Variants in MYO1E observed in about 807,000 individuals in gnomAD.
The protein encoded by MYO1E is myosin IE, also known as unconventional myosin-Ie.
In MYO1E, 68 loss-of-function variants were observed where a neutral mutation model predicts 151.1. The ratio of observed to expected loss-of-function variants is 0.45; its 90% CI spans 0.37 to 0.55. The LOEUF is 0.55. Ranked by LOEUF, MYO1E falls within the 20% of genes least tolerant of loss-of-function variation. MYO1E has a pLI of 0.00. For missense variants in MYO1E, 1,363 were observed against 1,389.3 expected, an observed-to-expected ratio of 0.98 and a Z score of 0.30; for synonymous variants, 601 against 501.7, an observed-to-expected ratio of 1.20 and a Z score of -2.64.
rs755005976 is a variant in MYO1E, at chr15:59,256,406, A to AGAT, written c.238-29_238-28insATC. The stretch of plus-strand genomic sequence containing the variant: ...AGAAAAGCAAAAAATAATAATACAT[A>AGAT]AATAATAATAAAAATTTAAAAATAA... On this transcript the variant is annotated intron_variant, in intron 3 of 27. Transcript: ENST00000288235. 6 of 1,258,270 alleles carry AGAT rather than the reference A, an allele frequency of 4.8e-6. No homozygotes were observed. In the South Asian group the frequency reaches 9.4e-5, roughly 20 times the overall value. The allele number at this position is 1,258,270 out of a possible 1,614,324, so 77.9% of individuals were successfully genotyped here. A position where few individuals can be genotyped will look rare whatever the true frequency, so the allele number is the denominator to read the frequency against.
chr15:59,281,537 G>C (rs931341915), intron 1 of MYO1E, among the ~76,000 whole-genome samples: 1 of 151,938 alleles, frequency 6.6e-6, no homozygotes, highest in Non-Finnish European at 1.5e-5. Flanking sequence ...CGGCCTCCGA[G>C]AGGGTTAGGA....
Position 59,195,842 on chromosome 15 carries a change from A to G in MYO1E, c.1699-275T>C, listed in dbSNP as rs575985268. Among the ~76,000 whole-genome samples, 27 of 152,344 alleles carry G rather than the reference A, an allele frequency of 1.8e-4. No homozygotes were observed. In the East Asian group the frequency reaches 4.0e-3, roughly 23 times the overall value. ...TAATAAAATAGAACAACAACAAAAA[A>G]CAAAAATCCCAATAAATCTTCACAT... is the stretch of plus-strand genomic sequence containing the variant. On this transcript the variant is annotated intron_variant, in intron 16 of 27. Transcript: ENST00000288235.
At chr15:59,201,872 A>G (rs538948851) in intron 16 of MYO1E, among the ~76,000 whole-genome samples, 1 of 152,350 alleles carries the variant, frequency 6.6e-6, no homozygotes, top group South Asian at 2.1e-4. Context: ...AGAGGCCTGT[A>G]GGACCCAGTG....
chr15:59,343,542 T>C (rs1314889106), intron 1 of MYO1E, among the ~76,000 whole-genome samples: 1 of 152,202 alleles, frequency 6.6e-6, no homozygotes, highest in Non-Finnish European at 1.5e-5. Flanking sequence ...ACTTAAACTT[T>C]GATATCTTTT....
chr15:59,297,207 T>C (rs1392612840), intron 1 of MYO1E, among the ~76,000 whole-genome samples: 3 of 151,922 alleles, frequency 2.0e-5, no homozygotes, highest in African/African-American at 7.2e-5. Flanking sequence ...CTAATTTTAT[T>C]ATCCCAATCA....
chr15:59,210,717 A>G (rs1596367381), intron 12 of MYO1E, 117 bp from the exon 13 acceptor site: 1 of 721,688 alleles, frequency 1.4e-6, no homozygotes, highest in Admixed American at 2.3e-5. Context: ...GTCCTGCAAC[A>G]AAGACCAGGG....
chr15:59,196,795 T>G (rs1183833208), intron 16 of MYO1E, among the ~76,000 whole-genome samples: 1 of 152,090 alleles, frequency 6.6e-6, no homozygotes, highest in African/African-American at 2.4e-5. Flanking sequence ...AAAAAGTAAA[T>G]TGCCTCTTAT....
At chr15:59,157,876 G>C (rs370573373) in intron 25 of MYO1E, among the ~76,000 whole-genome samples, 12 of 152,318 alleles carry the variant, frequency 7.9e-5, no homozygotes, top group African/African-American at 2.4e-4. Context: ...CGAGGATAAG[G>C]GGGTGCTGCT....
At chr15:59,222,120 C>A (rs2079959870) in intron 9 of MYO1E, among the ~76,000 whole-genome samples, 1 of 152,146 alleles carries the variant, frequency 6.6e-6, no homozygotes, top group Non-Finnish European at 1.5e-5. Context: ...AGATAGACAT[C>A]AGAAGTTAGC....
In MYO1E at chr15:59,159,285, G is replaced by A. The variant is rs1220679510; in HGVS notation, c.2786-906C>T. 6.6e-6 allele frequency among the ~76,000 whole-genome samples: 1 copy of A among 152,212 alleles called. No individual in the cohort carries two copies. The highest frequency in any genetic ancestry group is 1.5e-5 in the Non-Finnish European group (1 of 68,026). ...AGGCCACTCTCGCCACCCCAAATAA[G>A]ATAGAATCCAACACCTATTGGGCAA... is the stretch of plus-strand genomic sequence containing the variant. On this transcript the variant is annotated intron_variant, in intron 24 of 27. Coordinates refer to ENST00000288235, the MANE Select transcript of MYO1E (RefSeq NM_004998.4). This position sits in a 1 kb window ranked among gnomAD's most constrained non-coding sequence, Gnocchi z 4.4.
intron 1 of MYO1E, among the ~76,000 whole-genome samples, chr15:59,341,845 T>C (rs1437339161): frequency 1.3e-5 from 2 of 152,206 alleles, no homozygotes; most frequent in Admixed American, 6.5e-5. Context: ...AGCTATCTCT[T>C]CCATATGCTT....
intron 4 of MYO1E, among the ~76,000 whole-genome samples, chr15:59,249,516 G>A (rs2080151413): frequency 6.6e-6 from 1 of 152,000 alleles, no homozygotes; most frequent in East Asian, 1.9e-4. Context: ...CACTGCGTTG[G>A]AAAATATGAG....
chr15:59,207,864 A>T lies in MYO1E; in HGVS notation c.1530+817T>A, dbSNP rs1442560323. 1.2e-6 allele frequency: 2 copies of T among 1,614,124 alleles called. No homozygotes were observed. Among genetic ancestry groups the T allele is most frequent in the African/African-American group, 2.7e-5 (2 of 74,952 alleles). On this transcript the variant is annotated intron_variant, in intron 14 of 27. Coordinates refer to ENST00000288235, the MANE Select transcript of MYO1E (RefSeq NM_004998.4). ...CCATTGGCCTATCTGTGGCCGATTT[A>T]ACAGAAAGTATTTTGAAGAATCTTA... is the stretch of plus-strand genomic sequence containing the variant.
chr15:59,321,452 T>G (rs961655930), intron 1 of MYO1E, among the ~76,000 whole-genome samples: 1 of 152,188 alleles, frequency 6.6e-6, no homozygotes, highest in African/African-American at 2.4e-5. Flanking sequence ...CAACAGTGAA[T>G]TGGATAAAGG....
At chr15:59,227,115 T>C (rs1258331344) in intron 7 of MYO1E, among the ~76,000 whole-genome samples, 1 of 152,190 alleles carries the variant, frequency 6.6e-6, no homozygotes, top group Non-Finnish European at 1.5e-5. Flanking sequence ...TCCCCTCCAC[T>C]TTCCATCCGG....
At chr15:59,257,629 G>C (rs546261906) in intron 3 of MYO1E, among the ~76,000 whole-genome samples, 1 of 152,274 alleles carries the variant, frequency 6.6e-6, no homozygotes, top group Admixed American at 6.5e-5. Context: ...GCCATGCTCT[G>C]GAAGATGAGA....
rs77319978 is a variant in MYO1E, at chr15:59,211,419, T to A, written c.1276-819A>T. On this transcript the variant is annotated intron_variant, in intron 12 of 27. Coordinates refer to ENST00000288235, the MANE Select transcript of MYO1E (RefSeq NM_004998.4). ...TATGTGGTAGAGTCTCAGGGCTCAA[T>A]CTTTCAGCTTTCTCATTTTCTCAGC... Among the ~76,000 whole-genome samples the A allele has an allele frequency of 3.3e-4, 51 of 152,288 alleles. 2 individuals are homozygous for A. The highest frequency in any genetic ancestry group is 2.7e-3 in the South Asian group (13 of 4,826).
chr15:59,133,915 G>C lies in MYO1E; in HGVS notation c.*3465C>G, dbSNP rs1252919796. The C allele has an allele frequency of 1.3e-5, 2 of 152,228 alleles. No individual in the cohort carries two copies. The highest frequency in any genetic ancestry group is 2.9e-5 in the Non-Finnish European group (2 of 68,062). 9.4% of individuals were successfully genotyped at this position (152,228 alleles called of 1,614,324 possible). On this transcript the variant is annotated 3_prime_UTR_variant, in exon 28 of 28. Coordinates refer to ENST00000288235, the MANE Select transcript of MYO1E (RefSeq NM_004998.4). ...GGGAGTCGCAAAGAGAAGGAATTTAGATTATGTAAAAGCCATGCTCTATGG... is the reference window on the plus strand; with the variant it reads ...GGGAGTCGCAAAGAGAAGGAATTTACATTATGTAAAAGCCATGCTCTATGG...
chr15:59,291,576 C>G (rs1007328380), intron 1 of MYO1E, among the ~76,000 whole-genome samples: 1 of 150,618 alleles, frequency 6.6e-6, no homozygotes, highest in African/African-American at 2.4e-5. Flanking sequence ...TGGCTCACAC[C>G]TGTAATCCCA....
Sources: allele counts gnomAD v4.1 joint callset (sites outside exome capture counted in the v4.1 genomes callset), GRCh38; gene constraint gnomAD v4.1.1; non-coding constraint Gnocchi (gnomAD v3.1); transcripts MANE v1.5; gene names NCBI Gene and HGNC (gene_info 2026-07-23, HGNC 2026-07-21).